Variants in CTNNA2 observed in about 807,000 individuals in gnomAD.
CTNNA2 encodes catenin alpha 2.
Under a neutral mutation model 101.0 loss-of-function variants are expected in CTNNA2, and 42 were observed. That is an observed-to-expected ratio of 0.42 (90% CI 0.32 to 0.54). The LOEUF (loss-of-function observed/expected upper bound fraction) is 0.54, where lower values mean the gene tolerates loss of function less well. CTNNA2 is among the 20% of genes least tolerant of loss of function. The probability of loss-of-function intolerance (pLI) is 0.14; values close to 1 mark genes in which losing one functional copy is unlikely to be tolerated. For missense variants in CTNNA2, 871 were observed against 1,223.1 expected (o/e 0.71, Z 4.29); for synonymous variants, 450 against 456.4 (o/e 0.99, Z 0.18).
intron 1 of CTNNA2, among the ~76,000 whole-genome samples, chr2:79,602,557 A>G (rs1677617249): frequency 6.6e-6 from 1 of 152,170 alleles, no homozygotes. Flanking sequence ...ATTAGAAGCA[A>G]AAAGTCAAAA....
At chr2:80,392,556 A>G (rs1341264926) in intron 7 of CTNNA2, among the ~76,000 whole-genome samples, 1 of 152,126 alleles carries the variant, frequency 6.6e-6, no homozygotes, top group African/African-American at 2.4e-5. Flanking sequence ...TTCCAAGTGA[A>G]CAATTTATTA....
In CTNNA2 at chr2:80,303,164, T is replaced by C. The variant is rs1270573661; in HGVS notation, c.1057-90047T>C. 6.2e-7 allele frequency: 1 copy of C among 1,614,088 alleles called. No homozygotes were observed. Among genetic ancestry groups the C allele is most frequent in the Non-Finnish European group, 8.5e-7 (1 of 1,179,998 alleles). ...GGCGAAGTTCACCTTGACCAAGTCG[T>C]TGTGCTCGAGGTGCAGCTCGGTGAG... On this transcript the variant is annotated intron_variant, in intron 7 of 18. Transcript: ENST00000402739. This position sits in a 1 kb window ranked among gnomAD's most constrained non-coding sequence, Gnocchi z 7.7.
intron 4 of CTNNA2, among the ~76,000 whole-genome samples, chr2:79,392,577 G>T (rs1204815960): frequency 1.3e-5 from 2 of 150,324 alleles, no homozygotes; most frequent in African/African-American, 4.9e-5. Flanking sequence ...TAATTTTCTT[G>T]CCCAAGCTGT....
intron 2 of CTNNA2, among the ~76,000 whole-genome samples, chr2:79,241,714 T>G (rs1291907088): frequency 1.3e-5 from 2 of 152,202 alleles, no homozygotes; most frequent in African/African-American, 4.8e-5. Context: ...ATATTCTGCT[T>G]CATCAGTTCA....
At chr2:79,343,990 C>T (rs1347343237) in intron 3 of CTNNA2, among the ~76,000 whole-genome samples, 1 of 152,142 alleles carries the variant, frequency 6.6e-6, no homozygotes, top group African/African-American at 2.4e-5. Context: ...CAATGAGGCT[C>T]CTGGCCACAC....
intron 2 of CTNNA2, among the ~76,000 whole-genome samples, chr2:79,736,061 G>A (rs1470323678): frequency 6.6e-6 from 1 of 152,094 alleles, no homozygotes; most frequent in African/African-American, 2.4e-5. Context: ...TATTGTAGTA[G>A]TTTCTATTGT....
chr2:80,029,995 T>C (rs1695186566), intron 7 of CTNNA2, among the ~76,000 whole-genome samples: 1 of 151,944 alleles, frequency 6.6e-6, no homozygotes, highest in Non-Finnish European at 1.5e-5. Flanking sequence ...GCAATTTGGC[T>C]AAGACCCCAA....
chr2:79,890,209 G>A (rs1026770342), intron 6 of CTNNA2, among the ~76,000 whole-genome samples: 10 of 152,314 alleles, frequency 6.6e-5, no homozygotes, highest in Admixed American at 3.9e-4. Context: ...GGCAGAAAGC[G>A]GGTAGGGATA....
chr2:79,563,476 C>T (rs1674920855), intron 1 of CTNNA2, among the ~76,000 whole-genome samples: 1 of 152,034 alleles, frequency 6.6e-6, no homozygotes, highest in Non-Finnish European at 1.5e-5. Context: ...GGCATATTAA[C>T]ACTACTTAGA....
chr2:79,978,439 C>G (rs1322374168), intron 7 of CTNNA2, among the ~76,000 whole-genome samples: 2 of 152,076 alleles, frequency 1.3e-5, no homozygotes, highest in African/African-American at 2.4e-5. Context: ...CTAAATTGTT[C>G]TCTGGCCACG....
At chr2:79,829,360 T>TACACACACACACACACACACAC (rs55934940) in intron 3 of CTNNA2, among the ~76,000 whole-genome samples, 7 of 113,202 alleles carry the variant, frequency 6.2e-5, no homozygotes, top group African/African-American at 1.4e-4. Flanking sequence ...CAACTAAAAC[T>TACACACACACACACACACACAC]ACACACACAC....
chr2:80,415,626 A>G (rs372229029), intron 8 of CTNNA2, among the ~76,000 whole-genome samples: 7 of 152,302 alleles, frequency 4.6e-5, no homozygotes, highest in East Asian at 3.9e-4. Context: ...GTAAATTAGT[A>G]CAATCATAGA....
chr2:79,722,159 T>C (rs1686528722), intron 2 of CTNNA2, among the ~76,000 whole-genome samples: 1 of 152,232 alleles, frequency 6.6e-6, no homozygotes, highest in African/African-American at 2.4e-5. Context: ...CCCACTGTGG[T>C]TCACGCTCTT....
chr2:79,206,671 A>G (rs2104191733), intron 2 of CTNNA2, among the ~76,000 whole-genome samples: 1 of 152,320 alleles, frequency 6.6e-6, no homozygotes, highest in East Asian at 1.9e-4. Flanking sequence ...AGCTGCAATA[A>G]TTAAATTCTC....
At chr2:80,190,351 T>G (rs1573346272) in intron 7 of CTNNA2, among the ~76,000 whole-genome samples, 1 of 152,116 alleles carries the variant, frequency 6.6e-6, no homozygotes, top group East Asian at 1.9e-4. Flanking sequence ...TCAGTGGCAG[T>G]GGCCTGGGCA....
intron 2 of CTNNA2, among the ~76,000 whole-genome samples, chr2:79,696,194 T>G (rs777586379): frequency 6.6e-6 from 1 of 152,054 alleles, no homozygotes; most frequent in Non-Finnish European, 1.5e-5. Context: ...TTCTGTGCAT[T>G]GAGCTACTGC....
rs1553400673 is a variant in CTNNA2 at position 80,589,904 on chromosome 2, G to GCT, written c.2189+419_2189+420insCT. Among the ~76,000 whole-genome samples the GCT allele has an allele frequency of 5.4e-3, 449 of 82,660 alleles. 1 individual carries two copies. The highest frequency in any genetic ancestry group is 7.9e-3 in the Non-Finnish European group (268 of 34,000). The allele number at this position is 82,660 out of a possible 152,430, so 54.2% of individuals were successfully genotyped here. A position where few individuals can be genotyped will look rare whatever the true frequency, so the allele number is the denominator to read the frequency against. ...TGTGTGTGTGTGTGTGTGTGTGTGT[G>GCT]TGCGCGCGCGCGCATGTATACATAT... is the stretch of plus-strand genomic sequence containing the variant. On this transcript the variant is annotated intron_variant, in intron 15 of 18. Coordinates refer to ENST00000402739, the MANE Select transcript of CTNNA2 (RefSeq NM_001282597.3).
At chr2:79,883,368 A>G (rs1683594018) in intron 6 of CTNNA2, among the ~76,000 whole-genome samples, 1 of 152,236 alleles carries the variant, frequency 6.6e-6, no homozygotes, top group Admixed American at 6.5e-5. Flanking sequence ...TGGCATCTAC[A>G]TGAATAGTTG....
chr2:79,450,634 G>C (rs1350679105), intron 4 of CTNNA2, among the ~76,000 whole-genome samples: 1 of 152,006 alleles, frequency 6.6e-6, no homozygotes, highest in Non-Finnish European at 1.5e-5. Context: ...GTCATCGGTA[G>C]GTTCTTGAAA....
Sources: allele counts gnomAD v4.1 joint callset (sites outside exome capture counted in the v4.1 genomes callset), GRCh38; gene constraint gnomAD v4.1.1; non-coding constraint Gnocchi (gnomAD v3.1); transcripts MANE v1.5; gene names NCBI Gene and HGNC (gene_info 2026-07-23, HGNC 2026-07-21).